Variants in PRKAG2 observed in about 807,000 individuals in gnomAD.
PRKAG2 encodes 5'-AMP-activated protein kinase subunit gamma-2.
In PRKAG2, 26 loss-of-function variants were observed where a neutral mutation model predicts 69.6. That is an observed-to-expected ratio of 0.37 (90% CI 0.27 to 0.52). PRKAG2 has a LOEUF of 0.52. PRKAG2 is among the 20% of genes least tolerant of loss of function. The pLI, the probability that PRKAG2 is intolerant of heterozygous loss-of-function variation, is 0.90. For synonymous variants in PRKAG2, 293 were observed against 285.0 expected (o/e 1.03, Z -0.28); for missense variants, 557 against 740.0 (o/e 0.75, Z 2.87).
chr7:151,685,294 C>T (rs972011440), intron 3 of PRKAG2, among the ~76,000 whole-genome samples: 24 of 152,170 alleles, frequency 1.6e-4, no homozygotes, highest in African/African-American at 5.5e-4. Flanking sequence ...GAAGCCTGTC[C>T]TCAGGGCCAC....
At chr7:151,800,493 A>C in intron 1 of PRKAG2, among the ~76,000 whole-genome samples, 1 of 150,764 alleles carries the variant, frequency 6.6e-6, no homozygotes, top group African/African-American at 2.4e-5. Flanking sequence ...AGGCCATCCC[A>C]CCTCCCAGCA....
chr7:151,625,584 T>G (rs375690941), intron 5 of PRKAG2, among the ~76,000 whole-genome samples: 1 of 152,152 alleles, frequency 6.6e-6, no homozygotes, highest in East Asian at 1.9e-4. Context: ...CTGGGAGAGC[T>G]TGGCTGCTGG....
chr7:151,762,414 A>T (rs983811933), intron 3 of PRKAG2, among the ~76,000 whole-genome samples: 18 of 152,146 alleles, frequency 1.2e-4, no homozygotes, highest in African/African-American at 4.3e-4. Flanking sequence ...AAGCTTAAGG[A>T]GCAGGTAGGC....
intron 1 of PRKAG2, among the ~76,000 whole-genome samples, chr7:151,841,745 AGTAGGTAGTAATGGTAGTGATG>A (rs1563746123): frequency 2.4e-5 from 3 of 126,522 alleles, no homozygotes; most frequent in Non-Finnish European, 4.8e-5. Context: ...TGGTAGTGAT[AGTAGGTAGTAATGGTAGTGATG>A]GTAGGTAGTG....
At position 151,710,489 on chromosome 7, in the gene PRKAG2, G is replaced by A. The variant is rs541811511; in HGVS notation, c.467-34852C>T. Among the ~76,000 whole-genome samples, 4 of 152,310 alleles carry A rather than the reference G, an allele frequency of 2.6e-5. No individual in the cohort carries two copies. In the South Asian group the frequency reaches 8.3e-4, roughly 32 times the overall value. ...TCACTCCTCTGCTCGAAGCTCTGCG[G>A]TGACCCCATCACACTTAGAGGAAGA... On this transcript the variant is annotated intron_variant, in intron 3 of 15. Coordinates refer to ENST00000287878, the MANE Select transcript of PRKAG2 (RefSeq NM_016203.4).
At position 151,592,194 on chromosome 7, in the gene PRKAG2, G is replaced by A. The variant is rs76433779; in HGVS notation, c.864+3151C>T. On this transcript the variant is annotated intron_variant, in intron 6 of 15. Coordinates refer to ENST00000287878, the MANE Select transcript of PRKAG2 (RefSeq NM_016203.4). Reference sequence around the variant, plus strand: ...CACTGACTGATGGAGAAAAAGCTGGGCTTGGTTTACAGGTGCTTCTCCTGC... The same window carrying A: ...CACTGACTGATGGAGAAAAAGCTGGACTTGGTTTACAGGTGCTTCTCCTGC... 8.7e-4 allele frequency among the ~76,000 whole-genome samples: 133 copies of A among 152,346 alleles called. 2 individuals carry two copies. In the East Asian group the frequency reaches 0.024, roughly 28 times the overall value.
chr7:151,674,614 C>T (rs1250664329), intron 4 of PRKAG2, among the ~76,000 whole-genome samples: 1 of 152,152 alleles, frequency 6.6e-6, no homozygotes, highest in Admixed American at 6.5e-5. Context: ...TTCGCTGCCT[C>T]GGTCTCAGGA....
Position 151,676,540 on chromosome 7 carries a change from A to G in PRKAG2, c.467-903T>C, listed in dbSNP as rs529462329. On this transcript the variant is annotated intron_variant, in intron 3 of 15. Coordinates refer to ENST00000287878, the MANE Select transcript of PRKAG2 (RefSeq NM_016203.4). Reference sequence around the variant, plus strand: ...ATCTTCTGGGAGTTAAAGGTTCTCCACTTTGACTTATTTCTAACTAACAGA... The same window carrying G: ...ATCTTCTGGGAGTTAAAGGTTCTCCGCTTTGACTTATTTCTAACTAACAGA... Among the ~76,000 whole-genome samples, 7 of 152,344 alleles carry G rather than the reference A, an allele frequency of 4.6e-5. No individual in the cohort carries two copies. In the South Asian group the frequency reaches 1.5e-3, roughly 32 times the overall value.
chr7:151,824,242 T>C (rs2078857335), intron 1 of PRKAG2, among the ~76,000 whole-genome samples: 1 of 152,204 alleles, frequency 6.6e-6, no homozygotes, highest in South Asian at 2.1e-4. Context: ...AGCTGGAAGC[T>C]TCGTAATTGG....
intron 4 of PRKAG2, among the ~76,000 whole-genome samples, chr7:151,666,788 C>G (rs1392789283): frequency 6.6e-6 from 1 of 152,094 alleles, no homozygotes; most frequent in Non-Finnish European, 1.5e-5. Context: ...CTGCAGCCTT[C>G]CCTTTAGTTT....
At chr7:151,652,738 T>A (rs1828742295) in intron 4 of PRKAG2, among the ~76,000 whole-genome samples, 1 of 152,052 alleles carries the variant, frequency 6.6e-6, no homozygotes, top group South Asian at 2.1e-4. Context: ...CAGGCTCAAG[T>A]GGTCCTTCTC....
chr7:151,632,455 C>T lies in PRKAG2; in HGVS notation c.685-317G>A. 3 of 649,226 alleles carry T rather than the reference C, an allele frequency of 4.6e-6. No homozygotes were observed. Among genetic ancestry groups the T allele is most frequent in the Non-Finnish European group, 5.7e-6 (3 of 523,658 alleles). The allele number at this position is 649,226 out of a possible 1,614,324, so 40.2% of individuals were successfully genotyped here. The stretch of plus-strand genomic sequence containing the variant: ...GGGAAGGGACCCGGGAGCTCGAGGG[C>T]GGCAGCGCCTGGGCCCGGGGCGCCC... On this transcript the variant is annotated intron_variant, in intron 4 of 15. Coordinates refer to ENST00000287878, the MANE Select transcript of PRKAG2 (RefSeq NM_016203.4). The surrounding 1 kb of genome is among the most constrained non-coding windows in gnomAD (Gnocchi z 4.2).
intron 5 of PRKAG2, among the ~76,000 whole-genome samples, chr7:151,629,626 C>A (rs1216009786): frequency 6.6e-6 from 1 of 152,174 alleles, no homozygotes; most frequent in African/African-American, 2.4e-5. Context: ...CCTAACCTCA[C>A]CAGTGCTTCC....
chr7:151,866,019 C>CAAA (rs61697386), intron 1 of PRKAG2, among the ~76,000 whole-genome samples: 3 of 95,720 alleles, frequency 3.1e-5, no homozygotes, highest in Admixed American at 1.0e-4. Flanking sequence ...GACTCTGTCT[C>CAAA]AAAAAAAAAA....
chr7:151,819,476 G>A (rs1417477968), intron 1 of PRKAG2, among the ~76,000 whole-genome samples: 3 of 152,192 alleles, frequency 2.0e-5, no homozygotes, highest in African/African-American at 7.2e-5. Flanking sequence ...GTAACCAGAT[G>A]TTTGCTGAGT....
chr7:151,855,234 A>G (rs1586728873), intron 1 of PRKAG2, among the ~76,000 whole-genome samples: 2 of 124,156 alleles, frequency 1.6e-5, no homozygotes, highest in Admixed American at 8.6e-5. Flanking sequence ...CTCCACACAC[A>G]CCGCCCTCCA....
chr7:151,860,296 C>T (rs966324150), intron 1 of PRKAG2, among the ~76,000 whole-genome samples: 2 of 152,222 alleles, frequency 1.3e-5, no homozygotes, highest in African/African-American at 2.4e-5. Flanking sequence ...GCATGCTTTG[C>T]GCCATTTGCA....
Position 151,756,068 on chromosome 7 carries a change from C to T in PRKAG2, c.466+25084G>A, listed in dbSNP as rs1009633822. Among the ~76,000 whole-genome samples the T allele has an allele frequency of 3.9e-5, 6 of 152,174 alleles. No homozygotes were observed. The highest frequency in any genetic ancestry group is 1.4e-4 in the African/African-American group (6 of 41,440). ...CTCCTCTCCCATCCCCCATTGGTCT[C>T]CTCCTCTTCTCAGGCCTCTCCCCCT... On this transcript the variant is annotated intron_variant, in intron 3 of 15. Transcript: ENST00000287878. This position sits in a 1 kb window ranked among gnomAD's most constrained non-coding sequence, Gnocchi z 4.9.
intron 3 of PRKAG2, among the ~76,000 whole-genome samples, chr7:151,709,704 CACTG>C (rs1182980342): frequency 6.6e-6 from 1 of 152,166 alleles, no homozygotes; most frequent in Non-Finnish European, 1.5e-5. Context: ...ATAACACTGA[CACTG>C]ACAAGTGACA....
Sources: gnomAD v4.1 joint callset for allele counts (sites outside exome capture counted in the v4.1 genomes callset) on GRCh38, gnomAD v4.1.1 for gene constraint, Gnocchi (gnomAD v3.1) non-coding constraint, MANE v1.5 for transcripts, NCBI Gene and HGNC (gene_info 2026-07-23, HGNC 2026-07-21) for gene names.